Variants in CDKAL1 observed in about 807,000 individuals in gnomAD.
The protein encoded by CDKAL1 is CDKAL1 threonylcarbamoyladenosine tRNA methylthiotransferase, also known as threonylcarbamoyladenosine tRNA methylthiotransferase.
In CDKAL1, 32 loss-of-function variants were observed where a neutral mutation model predicts 68.2. The observed-to-expected ratio is 0.47, with a 90% CI of 0.35 to 0.63. The LOEUF (loss-of-function observed/expected upper bound fraction) is 0.63. Ranked by LOEUF, CDKAL1 falls within the 30% of genes least tolerant of loss-of-function variation. CDKAL1 has a pLI of 0.00. For synonymous variants in CDKAL1, 234 were observed against 244.3 expected (o/e 0.96, Z 0.39); for missense variants, 606 against 696.7 (o/e 0.87, Z 1.47).
chr6:21,073,844 T>C (rs1771927927), intron 12 of CDKAL1, among the ~76,000 whole-genome samples: 1 of 138,864 alleles, frequency 7.2e-6, no homozygotes, highest in Non-Finnish European at 1.6e-5. Context: ...TTATTTATTT[T>C]GTTTATTATT....
At chr6:20,846,286 T>G in intron 9 of CDKAL1, 108 bp downstream of exon 9, 1 of 638,100 alleles carries the variant, frequency 1.6e-6, no homozygotes, top group South Asian at 2.1e-5. Context: ...TTCTGAAGAG[T>G]TTTACAAATA....
At chr6:20,992,841 G>A (rs531277615) in intron 10 of CDKAL1, among the ~76,000 whole-genome samples, 1 of 151,450 alleles carries the variant, frequency 6.6e-6, no homozygotes, top group South Asian at 2.1e-4. Flanking sequence ...GGTCAAGGCT[G>A]CAGTAAGCCG....
chr6:21,024,769 G>A (rs1338274018), intron 11 of CDKAL1, among the ~76,000 whole-genome samples: 1 of 152,164 alleles, frequency 6.6e-6, no homozygotes, highest in African/African-American at 2.4e-5. Flanking sequence ...GGCCTGTCTT[G>A]TGATACTTCA....
At chr6:20,552,854 A>G (rs1237396676) in intron 4 of CDKAL1, among the ~76,000 whole-genome samples, 1 of 152,188 alleles carries the variant, frequency 6.6e-6, no homozygotes, top group Non-Finnish European at 1.5e-5. Context: ...GTAAATCTCT[A>G]CAGATTTTAT....
At position 20,651,711 on chromosome 6, in the gene CDKAL1, T is replaced by C. The variant is rs116794821; in HGVS notation, c.371+2334T>C. 3.6e-3 allele frequency among the ~76,000 whole-genome samples: 551 copies of C among 152,312 alleles called. 7 individuals carry two copies. The highest frequency in any genetic ancestry group is 0.012 in the African/African-American group (514 of 41,574). ...TGGGTTTGTCATAAATGGCCCTTATTATTTTGAGGTCTGTTCCATCAATAC... is the reference window on the plus strand; with the variant it reads ...TGGGTTTGTCATAAATGGCCCTTATCATTTTGAGGTCTGTTCCATCAATAC... On this transcript the variant is annotated intron_variant, in intron 5 of 15. Transcript: ENST00000274695.
chr6:21,168,752 A>G (rs1376668388), intron 13 of CDKAL1, among the ~76,000 whole-genome samples: 1 of 152,202 alleles, frequency 6.6e-6, no homozygotes, highest in Non-Finnish European at 1.5e-5. Context: ...GTTTTCTTTT[A>G]GGTAATGTAT....
chr6:21,082,415 T>G (rs1582160595), intron 12 of CDKAL1, among the ~76,000 whole-genome samples: 1 of 152,370 alleles, frequency 6.6e-6, no homozygotes, highest in East Asian at 1.9e-4. Context: ...ACTTTGCACA[T>G]GAGTTAGTTA....
At chr6:20,652,767 A>G (rs541685884) in intron 5 of CDKAL1, among the ~76,000 whole-genome samples, 47 of 152,368 alleles carry the variant, frequency 3.1e-4, no homozygotes, top group African/African-American at 1.1e-3. Flanking sequence ...TATAAAACAC[A>G]TACAGTTTAA....
chr6:21,217,148 A>T (rs1000199084), intron 15 of CDKAL1, among the ~76,000 whole-genome samples: 61 of 152,130 alleles, frequency 4.0e-4, no homozygotes, highest in African/African-American at 9.4e-4. Flanking sequence ...CATTTTTTTT[A>T]AAATATATTT....
chr6:20,868,913 G>T (rs183392079), intron 9 of CDKAL1, among the ~76,000 whole-genome samples: 128 of 152,340 alleles, frequency 8.4e-4, no homozygotes, highest in African/African-American at 2.9e-3. Context: ...TGGCCAAGGT[G>T]TAATGAAACA....
intron 8 of CDKAL1, among the ~76,000 whole-genome samples, chr6:20,807,147 C>T (rs990633952): frequency 4.6e-5 from 7 of 152,158 alleles, no homozygotes; most frequent in Non-Finnish European, 8.8e-5. Context: ...CTCTACCACA[C>T]ACAGCAGTTT....
At chr6:21,081,833 CT>C (rs1210201458) in intron 12 of CDKAL1, among the ~76,000 whole-genome samples, 5 of 152,082 alleles carry the variant, frequency 3.3e-5, no homozygotes, top group Non-Finnish European at 7.4e-5. Context: ...CCACCTCAGC[CT>C]CCCAAAGTGC....
intron 9 of CDKAL1, among the ~76,000 whole-genome samples, chr6:20,883,429 CT>C (rs1760918332): frequency 6.6e-6 from 1 of 152,228 alleles, no homozygotes; most frequent in African/African-American, 2.4e-5. Flanking sequence ...TTCCCTCCCC[CT>C]GAATGTGGGT....
intron 8 of CDKAL1, among the ~76,000 whole-genome samples, chr6:20,845,496 G>A (rs577000885): frequency 6.6e-6 from 1 of 151,954 alleles, no homozygotes; most frequent in African/African-American, 2.4e-5. Context: ...TTTGATTAAT[G>A]TAGTCTCAGA....
intron 13 of CDKAL1, among the ~76,000 whole-genome samples, chr6:21,118,961 G>A (rs1221551468): frequency 1.3e-5 from 2 of 152,180 alleles, no homozygotes; most frequent in Non-Finnish European, 2.9e-5. Context: ...GCGGGTGGCA[G>A]TGGAGGGTGT....
intron 10 of CDKAL1, among the ~76,000 whole-genome samples, chr6:20,982,171 A>G (rs1448623920): frequency 1.3e-5 from 2 of 151,848 alleles, no homozygotes; most frequent in African/African-American, 4.8e-5. Flanking sequence ...GGCTCAAGCA[A>G]TCCCACCACC....
rs115624897 is a variant in CDKAL1, at chr6:20,646,616, C to T, written c.287-2677C>T. ...TTTGCATTATTTATTCATTGTCATA[C>T]TTCTTGAGGGGTCCTATGGTAAGAG... On this transcript the variant is annotated intron_variant, in intron 4 of 15. Transcript: ENST00000274695. 4.6e-3 allele frequency among the ~76,000 whole-genome samples: 695 copies of T among 152,132 alleles called. 9 individuals carry two copies. The highest frequency in any genetic ancestry group is 0.016 in the African/African-American group (667 of 41,510).
chr6:20,896,425 G>A (rs1761697569), intron 9 of CDKAL1, among the ~76,000 whole-genome samples: 1 of 151,920 alleles, frequency 6.6e-6, no homozygotes, highest in African/African-American at 2.4e-5. Context: ...GTCATTTTAT[G>A]CAACTTAAAA....
chr6:20,984,609 T>C (rs1424363261), intron 10 of CDKAL1, among the ~76,000 whole-genome samples: 1 of 152,144 alleles, frequency 6.6e-6, no homozygotes, highest in African/African-American at 2.4e-5. Flanking sequence ...AGGATTTTTA[T>C]TACTGATGAA....
Sources: allele counts gnomAD v4.1 joint callset (sites outside exome capture counted in the v4.1 genomes callset), GRCh38; gene constraint gnomAD v4.1.1; transcripts MANE v1.5; gene names NCBI Gene and HGNC (gene_info 2026-07-23, HGNC 2026-07-21).